DNM3: variants seen among roughly 807,000 people sequenced by gnomAD.
DNM3 encodes dynamin 3.
Under a neutral mutation model 101.6 loss-of-function variants are expected in DNM3, and 47 were observed. The ratio of observed to expected loss-of-function variants is 0.46; its 90% CI spans 0.37 to 0.59. The LOEUF is 0.59. Among genes scored for constraint, DNM3 ranks in the 20% least tolerant of loss-of-function variants. The pLI is 0.00. For missense variants in DNM3, 849 were observed against 1,085.7 expected, an observed-to-expected ratio of 0.78 and a Z score of 3.06; for synonymous variants, 385 against 387.9, an observed-to-expected ratio of 0.99 and a Z score of 0.09.
intron 2 of DNM3, among the ~76,000 whole-genome samples, chr1:171,924,762 G>C (rs2040428199): frequency 6.6e-6 from 1 of 152,134 alleles, no homozygotes; most frequent in Non-Finnish European, 1.5e-5. Context: ...ATTCTGACTG[G>C]TATGAGATGA....
intron 14 of DNM3, among the ~76,000 whole-genome samples, chr1:172,203,890 C>T (rs150163675): frequency 6.6e-6 from 1 of 152,142 alleles, no homozygotes; most frequent in South Asian, 2.1e-4. Flanking sequence ...GGCTACTTAA[C>T]CAGCTTGATT....
intron 1 of DNM3, among the ~76,000 whole-genome samples, chr1:171,874,596 G>A (rs981390250): frequency 1.6e-4 from 25 of 152,144 alleles, no homozygotes; most frequent in Admixed American, 3.3e-4. Context: ...AAATGCACAT[G>A]TATGATTAGT....
intron 13 of DNM3, among the ~76,000 whole-genome samples, chr1:172,130,474 A>G (rs1031260011): frequency 2.0e-5 from 3 of 152,206 alleles, no homozygotes; most frequent in African/African-American, 7.2e-5. Context: ...TAATATTTTA[A>G]AACTTAAAAC....
chr1:171,858,480 T>A (rs188014102), intron 1 of DNM3, among the ~76,000 whole-genome samples: 1 of 152,134 alleles, frequency 6.6e-6, no homozygotes, highest in East Asian at 1.9e-4. Context: ...AGGAACCAAA[T>A]GGATTTGAAA....
Position 172,032,513 on chromosome 1 carries a change from G to A in DNM3, c.688+13G>A, listed in dbSNP as rs749163352. 1 of 1,107,190 alleles carries A rather than the reference G, an allele frequency of 9.0e-7. No individual in the cohort carries two copies. The highest frequency in any genetic ancestry group is 1.3e-6 in the Non-Finnish European group (1 of 750,748). 68.6% of individuals were successfully genotyped at this position (1,107,190 alleles called of 1,614,324 possible). On this transcript the variant is annotated intron_variant, in intron 5 of 20. Transcript: ENST00000627582. The stretch of plus-strand genomic sequence containing the variant: ...CCTCTTCGCAGGGGTAATGTACTGT[G>A]GTCTATACAAGACTTTTTTTTTTTT...
At chr1:172,255,744 G>C (rs1424739667) in intron 15 of DNM3, among the ~76,000 whole-genome samples, 1 of 152,042 alleles carries the variant, frequency 6.6e-6, no homozygotes, top group Non-Finnish European at 1.5e-5. Context: ...AATCATTTTT[G>C]TGCTGGCAAG....
At chr1:172,096,866 A>G (rs2054280146) in intron 13 of DNM3, among the ~76,000 whole-genome samples, 1 of 152,234 alleles carries the variant, frequency 6.6e-6, no homozygotes, top group Non-Finnish European at 1.5e-5. Context: ...AAGGAGACAA[A>G]CTAGAGATAT....
At chr1:172,407,705 G>A (rs1384738736) in intron 20 of DNM3, 67 bp from the exon 21 acceptor site, 5 of 1,537,558 alleles carry the variant, frequency 3.3e-6, no homozygotes, top group Non-Finnish European at 4.5e-6. Flanking sequence ...CTTTCTCAGT[G>A]TCCTTGGAAC....
At chr1:171,946,281 A>G (rs988111255) in intron 2 of DNM3, among the ~76,000 whole-genome samples, 2 of 152,192 alleles carry the variant, frequency 1.3e-5, no homozygotes, top group Admixed American at 1.3e-4. Flanking sequence ...TTATTCATGT[A>G]TGTACTAGAG....
At chr1:171,869,792 A>G (rs1334275640) in intron 1 of DNM3, among the ~76,000 whole-genome samples, 1 of 152,244 alleles carries the variant, frequency 6.6e-6, no homozygotes, top group Non-Finnish European at 1.5e-5. Context: ...CTCAGGACAG[A>G]AATTGAATCC....
chr1:171,991,377 T>C lies in DNM3; in HGVS notation c.589+2229T>C, dbSNP rs537599074. On this transcript the variant is annotated intron_variant, in intron 4 of 20. Coordinates refer to ENST00000627582, the MANE Select transcript of DNM3 (RefSeq NM_015569.5). ...CTGACTGACTGGCTATAAATTGGGG[T>C]TTCTACAACCTTCTTCTTGTGTTCT... Among the ~76,000 whole-genome samples, 10 of 152,016 alleles carry C rather than the reference T, an allele frequency of 6.6e-5. No individual in the cohort carries two copies. The South Asian group carries it at 8.3e-4, about 13-fold the overall frequency.
At chr1:171,848,529 A>T (rs1183693662) in intron 1 of DNM3, among the ~76,000 whole-genome samples, 1 of 152,224 alleles carries the variant, frequency 6.6e-6, no homozygotes, top group Non-Finnish European at 1.5e-5. Flanking sequence ...TGAGATGGTC[A>T]TCAATAGGCC....
chr1:172,182,255 A>T (rs1478236285), intron 14 of DNM3, among the ~76,000 whole-genome samples: 4 of 151,900 alleles, frequency 2.6e-5, no homozygotes, highest in Non-Finnish European at 5.9e-5. Flanking sequence ...TTTCTCTAAG[A>T]TGCTTAACTC....
intron 1 of DNM3, among the ~76,000 whole-genome samples, chr1:171,899,700 G>A (rs1478971056): frequency 6.6e-6 from 1 of 152,188 alleles, no homozygotes; most frequent in East Asian, 1.9e-4. Flanking sequence ...TGCTATACCA[G>A]GAGTTATACT....
At chr1:172,351,987 T>C (rs936712757) in intron 17 of DNM3, among the ~76,000 whole-genome samples, 8 of 152,178 alleles carry the variant, frequency 5.3e-5, no homozygotes, top group African/African-American at 1.9e-4. Flanking sequence ...TAAACAACAG[T>C]TTGCCAAAAG....
intron 4 of DNM3, among the ~76,000 whole-genome samples, chr1:172,012,106 C>T (rs1475228910): frequency 6.6e-6 from 1 of 152,004 alleles, no homozygotes; most frequent in Non-Finnish European, 1.5e-5. Flanking sequence ...ATTGTTTCTG[C>T]TAATAACACC....
chr1:172,011,349 A>C (rs1410531285), intron 4 of DNM3, among the ~76,000 whole-genome samples: 1 of 151,912 alleles, frequency 6.6e-6, no homozygotes, highest in African/African-American at 2.4e-5. Context: ...TGGATTTAAA[A>C]AAGACATAAT....
At chr1:172,014,162 G>T (rs2047300731) in intron 4 of DNM3, among the ~76,000 whole-genome samples, 1 of 152,036 alleles carries the variant, frequency 6.6e-6, no homozygotes, top group Non-Finnish European at 1.5e-5. Context: ...AGAAATTGTG[G>T]TATAAATATA....
chr1:172,124,045 C>T (rs1216646636), intron 13 of DNM3, among the ~76,000 whole-genome samples: 4 of 152,230 alleles, frequency 2.6e-5, no homozygotes, highest in East Asian at 3.8e-4. Flanking sequence ...CAAGGTTACA[C>T]GTTTGCTCCT....
Sources: allele counts gnomAD v4.1 joint callset (sites outside exome capture counted in the v4.1 genomes callset), GRCh38; gene constraint gnomAD v4.1.1; transcripts MANE v1.5; gene names NCBI Gene and HGNC (gene_info 2026-07-23, HGNC 2026-07-21).